Variants in PRUNE2 observed in about 807,000 individuals in gnomAD.
The protein encoded by PRUNE2 is protein prune homolog 2.
Under a neutral mutation model 252.0 loss-of-function variants are expected in PRUNE2, and 164 were observed. That is an observed-to-expected ratio of 0.65 (90% confidence interval 0.57 to 0.74). PRUNE2 has a LOEUF of 0.74. Among genes scored for constraint, PRUNE2 ranks in the 30% least tolerant of loss-of-function variants. The pLI is 0.00. For missense variants in PRUNE2, 3,495 were observed against 3,711.0 expected, an observed-to-expected ratio of 0.94 and a Z score of 1.51; for synonymous variants, 1,292 against 1,350.2, an observed-to-expected ratio of 0.96 and a Z score of 0.94.
At chr9:76,637,009 G>GTGTGTGTGTGTGTGTGTGTATA (rs1554779750) in intron 14 of PRUNE2, among the ~76,000 whole-genome samples, 3 of 150,288 alleles carry the variant, frequency 2.0e-5, no homozygotes, top group African/African-American at 7.4e-5. Flanking sequence ...GTGTGTGTGT[G>GTGTGTGTGTGTGTGTGTGTATA]TATAATTTTA....
At chr9:76,861,169 C>G (rs753262107) in intron 1 of PRUNE2, among the ~76,000 whole-genome samples, 1 of 152,074 alleles carries the variant, frequency 6.6e-6, no homozygotes, top group Non-Finnish European at 1.5e-5. Flanking sequence ...TGTCCAGAGG[C>G]GAGGCAAACA....
intron 4 of PRUNE2, among the ~76,000 whole-genome samples, chr9:76,844,936 G>A (rs1010844358): frequency 6.0e-5 from 9 of 149,558 alleles, no homozygotes; most frequent in African/African-American, 1.2e-4. Context: ...GACTGAAGCC[G>A]GTGGATGGCT....
intron 11 of PRUNE2, among the ~76,000 whole-genome samples, chr9:76,646,244 A>G (rs1401230791): frequency 2.0e-5 from 3 of 152,220 alleles, no homozygotes; most frequent in African/African-American, 7.2e-5. Flanking sequence ...ACAATTGGGA[A>G]GGTGGGTGAG....
chr9:76,638,382 G>GTGTC, intron 12 of PRUNE2, 94 bp from the exon 13 acceptor site: 1 of 809,202 alleles, frequency 1.2e-6, no homozygotes, highest in Non-Finnish European at 2.1e-6. Context: ...CTTGGCAAGT[G>GTGTC]TGTCTTTGTG....
In PRUNE2 at chr9:76,703,712, A is replaced by C. The variant is rs1316524301; in HGVS notation, c.7901T>G (p.Met2634Arg). 1 of 1,613,130 alleles carries C rather than the reference A, an allele frequency of 6.2e-7. No individual in the cohort carries two copies. Among genetic ancestry groups the C allele is most frequent in the Non-Finnish European group, 8.5e-7 (1 of 1,179,854 alleles). ...FESPAQDQSW[M>R]FLGHSEVGDP... ...ACCAACCTCACTATGGCCCAAGAAC[A>C]TCCAACTCTGGTCTTGTGCAGGGCT... The change falls in exon 9 of 19, where the codon ATG (methionine) becomes AGG (arginine). Residue 2634 changes from methionine to arginine, a missense_variant. By Grantham distance (91) the Met-to-Arg change is moderately conservative. Coordinates refer to ENST00000376718, the MANE Select transcript of PRUNE2 (RefSeq NM_015225.3).
intron 12 of PRUNE2, among the ~76,000 whole-genome samples, chr9:76,640,581 C>G (rs1357092816): frequency 6.6e-6 from 1 of 152,122 alleles, no homozygotes; most frequent in African/African-American, 2.4e-5. Flanking sequence ...TGCTTTCGTT[C>G]CATCTTTTCC....
chr9:76,902,090 C>G (rs867055711), intron 1 of PRUNE2, among the ~76,000 whole-genome samples: 1 of 152,160 alleles, frequency 6.6e-6, no homozygotes, highest in Non-Finnish European at 1.5e-5. Context: ...GTGTGGGGAG[C>G]CTGGCTTCCT....
At chr9:76,743,706 A>G (rs574856154) in intron 6 of PRUNE2, among the ~76,000 whole-genome samples, 8 of 152,356 alleles carry the variant, frequency 5.3e-5, no homozygotes, top group African/African-American at 1.9e-4. Flanking sequence ...GTATACTATG[A>G]TTCTATTGCT....
chr9:76,693,290 G>T (rs997877568), intron 9 of PRUNE2, among the ~76,000 whole-genome samples: 1 of 151,376 alleles, frequency 6.6e-6, no homozygotes, highest in Non-Finnish European at 1.5e-5. Context: ...TTTTTGATGG[G>T]GGGGGCAGGT....
chr9:76,747,131 C>T (rs915004911), intron 6 of PRUNE2, among the ~76,000 whole-genome samples: 5 of 152,156 alleles, frequency 3.3e-5, no homozygotes, highest in African/African-American at 1.2e-4. Context: ...TAGGCTTGTG[C>T]AACTCCCAGC....
At chr9:76,729,636 T>G (rs1350066142) in intron 6 of PRUNE2, among the ~76,000 whole-genome samples, 2 of 152,066 alleles carry the variant, frequency 1.3e-5, no homozygotes, top group Non-Finnish European at 2.9e-5. Context: ...GCTAAAGAGG[T>G]AAACTGTTAA....
chr9:76,884,354 G>A (rs2061967983), intron 1 of PRUNE2, among the ~76,000 whole-genome samples: 1 of 152,174 alleles, frequency 6.6e-6, no homozygotes, highest in South Asian at 2.1e-4. Flanking sequence ...AATAGCCACA[G>A]TGTACTGAGC....
At chr9:76,788,242 C>T in intron 6 of PRUNE2, 1 of 533,292 alleles carries the variant, frequency 1.9e-6, no homozygotes. Flanking sequence ...AGAGTCAAAA[C>T]ACCATCAAGC....
chr9:76,732,577 A>C (rs936537388), intron 6 of PRUNE2, among the ~76,000 whole-genome samples: 2 of 152,214 alleles, frequency 1.3e-5, no homozygotes, highest in African/African-American at 4.8e-5. Flanking sequence ...AGTTCTCCAC[A>C]GTGTCTGGTT....
intron 6 of PRUNE2, among the ~76,000 whole-genome samples, chr9:76,732,050 C>CA (rs2048659510): frequency 6.6e-6 from 1 of 152,174 alleles, no homozygotes; most frequent in Admixed American, 6.5e-5. Context: ...CGCGGTGGCT[C>CA]ACGCCTGTAA....
intron 9 of PRUNE2, among the ~76,000 whole-genome samples, chr9:76,679,389 A>G (rs143689457): frequency 6.6e-6 from 1 of 152,368 alleles, no homozygotes; most frequent in Admixed American, 6.5e-5. Context: ...AGGGACCTCA[A>G]ATAGCCAAAA....
At chr9:76,683,451 T>C (rs1264987186) in intron 9 of PRUNE2, among the ~76,000 whole-genome samples, 3 of 152,230 alleles carry the variant, frequency 2.0e-5, no homozygotes, top group African/African-American at 7.2e-5. Flanking sequence ...AGATTAGTTC[T>C]TAGGTTTTCA....
At chr9:76,837,813 C>T (rs562193799) in intron 4 of PRUNE2, among the ~76,000 whole-genome samples, 103 of 150,926 alleles carry the variant, frequency 6.8e-4, no homozygotes, top group Non-Finnish European at 1.0e-3. Flanking sequence ...GCTCTGTCGC[C>T]CAGGCTGGAG....
At chr9:76,849,209 C>T (rs1201339227) in intron 3 of PRUNE2, among the ~76,000 whole-genome samples, 1 of 152,136 alleles carries the variant, frequency 6.6e-6, no homozygotes, top group Non-Finnish European at 1.5e-5. Context: ...CCATGTCAAG[C>T]CTGCATGTGG....
Sources: allele counts gnomAD v4.1 joint callset (sites outside exome capture counted in the v4.1 genomes callset), GRCh38; gene constraint gnomAD v4.1.1; transcripts MANE v1.5; gene names NCBI Gene and HGNC (gene_info 2026-07-23, HGNC 2026-07-21).